ADAM10: variants seen among roughly 807,000 people sequenced by gnomAD.
The protein encoded by ADAM10 is ADAM metallopeptidase domain 10.
A neutral mutation model predicts 90.1 loss-of-function variants in ADAM10; 17 were observed. That is an observed-to-expected ratio of 0.19 (90% CI 0.13 to 0.28). ADAM10 has a LOEUF of 0.28. ADAM10 is among the 10% of genes least tolerant of loss of function. The pLI, the probability that ADAM10 is intolerant of heterozygous loss-of-function variation, is 1.00. For synonymous variants in ADAM10, 310 were observed against 298.6 expected (o/e 1.04, Z -0.40); for missense variants, 610 against 914.3 (o/e 0.67, Z 4.29).
chr15:58,629,780 CT>C (rs112141656), intron 9 of ADAM10, among the ~76,000 whole-genome samples: 3 of 149,722 alleles, frequency 2.0e-5, no homozygotes, highest in Non-Finnish European at 3.0e-5. Flanking sequence ...ACAGTTATAA[CT>C]TTTTTTTTTG....
At chr15:58,739,279 G>C (rs1899526159) in intron 1 of ADAM10, among the ~76,000 whole-genome samples, 1 of 151,862 alleles carries the variant, frequency 6.6e-6, no homozygotes, top group Non-Finnish European at 1.5e-5. Context: ...GGCCAAGGCA[G>C]GTGAATCACG....
chr15:58,688,773 T>TAGG (rs1278837129), intron 2 of ADAM10, among the ~76,000 whole-genome samples: 10 of 130,150 alleles, frequency 7.7e-5, no homozygotes, highest in Non-Finnish European at 1.2e-4. Context: ...AAATTATATA[T>TAGG]ATATATATAT....
intron 1 of ADAM10, chr15:58,748,107 A>C (rs1567023479): frequency 6.6e-6 from 1 of 152,226 alleles, no homozygotes. Flanking sequence ...CTTAATCTAT[A>C]ATGTGTGTCT....
intron 1 of ADAM10, among the ~76,000 whole-genome samples, chr15:58,731,554 C>G (rs1048124461): frequency 1.7e-4 from 26 of 152,000 alleles, no homozygotes; most frequent in Admixed American, 6.6e-4. Context: ...CCTGAGCCCA[C>G]GAAGTCGAGG....
intron 2 of ADAM10, chr15:58,691,488 G>A (rs1897792256): frequency 1.6e-6 from 1 of 613,028 alleles, no homozygotes; most frequent in Admixed American, 1.9e-5. Flanking sequence ...CACATACTCT[G>A]ACAGAGATGT....
At chr15:58,709,020 T>C (rs942391522) in intron 2 of ADAM10, among the ~76,000 whole-genome samples, 26 of 152,308 alleles carry the variant, frequency 1.7e-4, no homozygotes, top group South Asian at 4.1e-4. Context: ...TTTAAAGCTA[T>C]TACACTATAA....
Position 58,590,431 on chromosome 15 carries a change from G to A in ADAM10, c.*7116C>T, listed in dbSNP as rs1263061283. Reference sequence around the variant, plus strand: ...AGCCAAGGCCCTGGCACAATCAAGTGCCTAAGAAGTATCTGTGAGTAAGGT... The same window carrying A: ...AGCCAAGGCCCTGGCACAATCAAGTACCTAAGAAGTATCTGTGAGTAAGGT... On this transcript the variant is annotated 3_prime_UTR_variant, in exon 16 of 16. Transcript: ENST00000260408. 1.3e-5 allele frequency: 2 copies of A among 152,224 alleles called. No homozygotes were observed. Among genetic ancestry groups the A allele is most frequent in the African/African-American group, 4.8e-5 (2 of 41,466 alleles). 9.4% of individuals were successfully genotyped at this position (152,224 alleles called of 1,614,324 possible).
At chr15:58,646,509 C>T (rs1896553089) in intron 5 of ADAM10, among the ~76,000 whole-genome samples, 1 of 152,160 alleles carries the variant, frequency 6.6e-6, no homozygotes, top group South Asian at 2.1e-4. Context: ...TTCTCTACCT[C>T]ACATCTAATA....
chr15:58,707,974 G>C (rs145873495), intron 2 of ADAM10, among the ~76,000 whole-genome samples: 155 of 152,252 alleles, frequency 1.0e-3, no homozygotes, highest in African/African-American at 3.5e-3. Context: ...CTACTCAGGA[G>C]GCTGAGGCAC....
chr15:58,607,255 T>C (rs1895303595), intron 14 of ADAM10, among the ~76,000 whole-genome samples: 1 of 152,258 alleles, frequency 6.6e-6, no homozygotes, highest in Non-Finnish European at 1.5e-5. Flanking sequence ...CAAGAGATTC[T>C]GATTTAATTA....
At chr15:58,668,318 C>T (rs1270998506) in intron 4 of ADAM10, among the ~76,000 whole-genome samples, 1 of 152,236 alleles carries the variant, frequency 6.6e-6, no homozygotes, top group East Asian at 1.9e-4. Flanking sequence ...ACAACTGACA[C>T]TTGGAATGAA....
intron 11 of ADAM10, among the ~76,000 whole-genome samples, chr15:58,614,892 A>C (rs1366836367): frequency 6.6e-6 from 1 of 152,228 alleles, no homozygotes; most frequent in Admixed American, 6.5e-5. Flanking sequence ...GAAAAAGAAG[A>C]GTCAAATGTT....
chr15:58,600,778 T>C (rs1466630414), intron 14 of ADAM10, among the ~76,000 whole-genome samples: 3 of 152,178 alleles, frequency 2.0e-5, no homozygotes, highest in Non-Finnish European at 4.4e-5. Flanking sequence ...CTAATAAACA[T>C]CATACAAAAT....
chr15:58,724,020 C>G (rs139377148), intron 1 of ADAM10, among the ~76,000 whole-genome samples: 1,596 of 152,030 alleles, frequency 0.01, 80 homozygotes, highest in Admixed American at 0.096. Context: ...CACCCAAGGT[C>G]AGGAGTTCAA....
intron 5 of ADAM10, among the ~76,000 whole-genome samples, chr15:58,649,962 G>T (rs1182008377): frequency 6.6e-6 from 1 of 151,944 alleles, no homozygotes; most frequent in African/African-American, 2.4e-5. Flanking sequence ...GCTCTTTTCT[G>T]TATTTTCCAT....
At chr15:58,667,991 C>T (rs1265572221) in intron 4 of ADAM10, among the ~76,000 whole-genome samples, 1 of 152,072 alleles carries the variant, frequency 6.6e-6, no homozygotes, top group African/African-American at 2.4e-5. Context: ...CCACTTTCCA[C>T]AAGCACTCAC....
chr15:58,610,143 A>T (rs903045523), intron 14 of ADAM10, 154 bp downstream of exon 14: 4 of 728,696 alleles, frequency 5.5e-6, no homozygotes, highest in Non-Finnish European at 9.5e-6. Flanking sequence ...GAAGGAAATA[A>T]TAACCAGAAA....
In ADAM10 at chr15:58,594,263, T is replaced by C. The variant is rs1894893948; in HGVS notation, c.*3284A>G. On this transcript the variant is annotated 3_prime_UTR_variant, in exon 16 of 16. Coordinates refer to ENST00000260408, the MANE Select transcript of ADAM10 (RefSeq NM_001110.4). ...GGTGAACTGTCCAGGTTTGTAATGC[T>C]TGACACTCTGATACCTTCAATTAGA... The C allele has an allele frequency of 6.6e-6, 1 of 152,216 alleles. No individual in the cohort carries two copies. The highest frequency in any genetic ancestry group is 2.1e-4 in the South Asian group (1 of 4,836). 9.4% of individuals were successfully genotyped at this position (152,216 alleles called of 1,614,324 possible). A position where few individuals can be genotyped will look rare whatever the true frequency, so the allele number is the denominator to read the frequency against.
chr15:58,745,414 A>G (rs1320534175), intron 1 of ADAM10, among the ~76,000 whole-genome samples: 1 of 152,184 alleles, frequency 6.6e-6, no homozygotes, highest in Non-Finnish European at 1.5e-5. Flanking sequence ...CCAGTAGAAA[A>G]AGAAATGGTT....
Sources: allele counts gnomAD v4.1 joint callset (sites outside exome capture counted in the v4.1 genomes callset), GRCh38; gene constraint gnomAD v4.1.1; transcripts MANE v1.5; gene names NCBI Gene and HGNC (gene_info 2026-07-23, HGNC 2026-07-21).